Variants in CD1B observed in about 807,000 individuals in gnomAD.
CD1B encodes T-cell surface glycoprotein CD1b.
CD1B carries 43 observed loss-of-function variants against 39.8 expected under a neutral mutation model. The observed-to-expected ratio is 1.08, with a 90% CI of 0.85 to 1.39. The LOEUF is 1.39. Among genes scored for constraint, CD1B ranks in the 40% most tolerant of loss-of-function variants. The probability of loss-of-function intolerance (pLI) is 0.00; values close to 1 mark genes in which losing one functional copy is unlikely to be tolerated. For synonymous variants in CD1B, 192 were observed against 152.5 expected (o/e 1.26, Z -1.91); for missense variants, 495 against 403.8 (o/e 1.23, Z -1.94).
chr1:158,316,164 C>CT, the CD1B span, among the ~76,000 whole-genome samples: 1 of 151,880 alleles, frequency 6.6e-6, no homozygotes, highest in Non-Finnish European at 1.5e-5. Flanking sequence ...TCCATATGAA[C>CT]TAAAAATAGT....
At chr1:158,287,089 C>T in the CD1B span, among the ~76,000 whole-genome samples, 4 of 152,134 alleles carry the variant, frequency 2.6e-5, no homozygotes, top group South Asian at 8.3e-4. Flanking sequence ...GTGTATTAGT[C>T]TTCTTGGGCT....
At chr1:158,319,021 G>C in the CD1B span, among the ~76,000 whole-genome samples, 1 of 151,962 alleles carries the variant, frequency 6.6e-6, no homozygotes, top group South Asian at 2.1e-4. Context: ...TAGGGTTTCT[G>C]CCAAGAGATC....
chr1:158,291,971 C>T, the CD1B span: 1 of 1,062,450 alleles, frequency 9.4e-7, no homozygotes, highest in Non-Finnish European at 1.4e-6. Flanking sequence ...TTGGCTCACT[C>T]TCACATCCAT....
the CD1B span, among the ~76,000 whole-genome samples, chr1:158,312,282 C>T: frequency 6.6e-6 from 1 of 152,156 alleles, no homozygotes; most frequent in African/African-American, 2.4e-5. Context: ...GAATGAGTCT[C>T]ATGAGATATG....
chr1:158,292,292 T>C, the CD1B span: 1 of 1,614,204 alleles, frequency 6.2e-7, no homozygotes, highest in Non-Finnish European at 8.5e-7. Context: ...CAGTGTATAA[T>C]CTCATAAGAA....
chr1:158,290,933 G>A, the CD1B span, among the ~76,000 whole-genome samples: 1 of 151,906 alleles, frequency 6.6e-6, no homozygotes, highest in African/African-American at 2.4e-5. Context: ...GTTGCCATTT[G>A]AGCATACCTC....
At chr1:158,309,402 C>A in the CD1B span, among the ~76,000 whole-genome samples, 22 of 152,248 alleles carry the variant, frequency 1.4e-4, no homozygotes, top group Non-Finnish European at 2.8e-4. Flanking sequence ...ACTAGTTCAG[C>A]CATTGTGGAG....
chr1:158,290,983 A>G, the CD1B span: 1 of 784,746 alleles, frequency 1.3e-6, no homozygotes. Context: ...ATGGTGGCAG[A>G]GCATGGGGCT....
the CD1B span, among the ~76,000 whole-genome samples, chr1:158,307,317 T>G: frequency 2.6e-5 from 4 of 151,958 alleles, no homozygotes; most frequent in Non-Finnish European, 2.9e-5. Context: ...TCTACGCAAA[T>G]AAACTAGAAA....
chr1:158,326,885 T>C (rs58654422), downstream of CD1B, among the ~76,000 whole-genome samples: 7,678 of 152,082 alleles, frequency 0.05, 628 homozygotes, highest in African/African-American at 0.17. Flanking sequence ...CAACCTCCAC[T>C]TGCTGGGTTC....
At chr1:158,327,319 C>T (rs1028161109), downstream of CD1B, among the ~76,000 whole-genome samples, 1 of 152,200 alleles carries the variant, frequency 6.6e-6, no homozygotes, top group Non-Finnish European at 1.5e-5. Flanking sequence ...GGGAGTGCAG[C>T]TGGCTTCACC....
chr1:158,317,572 T>C, the CD1B span, among the ~76,000 whole-genome samples: 1 of 152,170 alleles, frequency 6.6e-6, no homozygotes, highest in African/African-American at 2.4e-5. Context: ...TTATTAGTCT[T>C]GCTAGTGGTC....
the CD1B span, among the ~76,000 whole-genome samples, chr1:158,320,315 G>T: frequency 6.6e-6 from 1 of 152,330 alleles, no homozygotes; most frequent in Admixed American, 6.5e-5. Flanking sequence ...GCTAGACTCT[G>T]TGGGCGTAGG....
downstream of CD1B, among the ~76,000 whole-genome samples, chr1:158,323,607 T>C (rs546531268): frequency 1.3e-5 from 2 of 152,268 alleles, no homozygotes; most frequent in Non-Finnish European, 2.9e-5. Flanking sequence ...CTTCACAGTC[T>C]GGCTTTGTTT....
the CD1B span, among the ~76,000 whole-genome samples, chr1:158,301,211 T>C: frequency 3.0e-3 from 452 of 152,232 alleles, 3 homozygotes; most frequent in African/African-American, 0.01. Context: ...GTCTCCTGAA[T>C]ACAGCACACT....
the CD1B span, chr1:158,291,160 G>A: frequency 6.2e-7 from 1 of 1,606,298 alleles, no homozygotes; most frequent in Non-Finnish European, 8.5e-7. Flanking sequence ...CTCCTTCCAT[G>A]TCATCCAGAT....
chr1:158,317,009 C>G, the CD1B span, among the ~76,000 whole-genome samples: 3 of 151,486 alleles, frequency 2.0e-5, no homozygotes, highest in East Asian at 5.8e-4. Flanking sequence ...GGATGAAGCC[C>G]ACTTGATCAT....
Position 158,329,625 on chromosome 1 carries a change from T to C in CD1B, c.631A>G (p.Ser211Gly). 6.2e-7 allele frequency: 1 copy of C among 1,613,942 alleles called. No individual in the cohort carries two copies. Among genetic ancestry groups the C allele is most frequent in the Non-Finnish European group, 8.5e-7 (1 of 1,179,980 alleles). ...CGGCCAGGTCCAGGACTGGGGCCAC[T>C]GGACAGCCAGGCCTCAGGCTTCACT... ...RQVKPEAWLS[S>G]GPSPGPGRLQ... Residue 211 changes from serine (S) to glycine (G), a missense_variant, in exon 4 of 6, where the codon AGT (serine) becomes GGT (glycine). Ser to Gly is a moderately conservative substitution (Grantham distance 56). Transcript: ENST00000368168.
At chr1:158,316,622 CT>C in the CD1B span, among the ~76,000 whole-genome samples, 220 of 151,262 alleles carry the variant, frequency 1.5e-3, 3 homozygotes, top group Middle Eastern at 0.01. Flanking sequence ...ATTTGACTTC[CT>C]CTTTTCCTAA....
Sources: gnomAD v4.1 joint callset for allele counts (sites outside exome capture counted in the v4.1 genomes callset) on GRCh38, gnomAD v4.1.1 for gene constraint, MANE v1.5 for transcripts, NCBI Gene and HGNC (gene_info 2026-07-23, HGNC 2026-07-21) for gene names.